The following NUDT7 variants were observed in gnomAD, a reference collection of about 807,000 sequenced individuals.
NUDT7 encodes the protein nudix hydrolase 7.
A neutral mutation model predicts 13.1 loss-of-function variants in NUDT7; 19 were observed. The observed-to-expected ratio is 1.45, with a 90% CI of 1.01 to 2.13. The LOEUF is 2.13. Among genes scored for constraint, NUDT7 ranks in the 30% most tolerant of loss-of-function variants. The pLI is 0.00. For missense variants in NUDT7, 360 were observed against 291.7 expected (o/e 1.23, Z -1.71); for synonymous variants, 132 against 109.7 (o/e 1.20, Z -1.27).
In NUDT7 at chr16:77,742,227, C is replaced by G. The variant is rs112937116; in HGVS notation, c.*277C>G. On this transcript the variant is annotated 3_prime_UTR_variant, in exon 4 of 4. Coordinates refer to ENST00000268533, the MANE Select transcript of NUDT7 (RefSeq NM_001105663.3). ...TATAATAAAGAATATCTGGCACATA[C>G]TAGGCCCTTAATAAAGATTTTTTGA... 183 of 817,098 alleles carry G rather than the reference C, an allele frequency of 2.2e-4. No individual in the cohort carries two copies. The African/African-American group carries it at 2.8e-3, about 13-fold the overall frequency. The allele number at this position is 817,098 out of a possible 1,614,324, so 50.6% of individuals were successfully genotyped here.
intron 3 of NUDT7, chr16:77,736,634 ATTT>A: frequency 9.3e-6 from 2 of 215,804 alleles, no homozygotes; most frequent in Admixed American, 5.2e-5. Context: ...TTTCTTTTTT[ATTT>A]TTTTTTTTAT....
chr16:77,726,956 G>T (rs867406558), intron 2 of NUDT7, among the ~76,000 whole-genome samples: 1 of 115,508 alleles, frequency 8.7e-6, no homozygotes, highest in Non-Finnish European at 1.8e-5. Context: ...TCATGGCAGA[G>T]GGGGAGCAGG....
At position 77,742,118 on chromosome 16, in the gene NUDT7, G is replaced by A; in HGVS notation, c.*168G>A. The stretch of plus-strand genomic sequence containing the variant: ...CAGTTGCCTTCTATTGTCTGAAAAA[G>A]TAAAAGCCATTCAAAAATGAAAACT... On this transcript the variant is annotated 3_prime_UTR_variant, in exon 4 of 4. Transcript: ENST00000268533. 1 of 1,356,180 alleles carries A rather than the reference G, an allele frequency of 7.4e-7. No individual in the cohort carries two copies. The highest frequency in any genetic ancestry group is 9.5e-7 in the Non-Finnish European group (1 of 1,057,078). The allele number at this position is 1,356,180 out of a possible 1,614,324, so 84.0% of individuals were successfully genotyped here. A position where few individuals can be genotyped will look rare whatever the true frequency, so the allele number is the denominator to read the frequency against.
intron 2 of NUDT7, among the ~76,000 whole-genome samples, chr16:77,726,442 T>G (rs190949062): frequency 1.8e-4 from 27 of 152,286 alleles, no homozygotes; most frequent in African/African-American, 6.0e-4. Context: ...ACAGAAATAA[T>G]GGGCTGGGAA....
rs2014102045 is a variant in NUDT7, at chr16:77,725,476, T to C, written c.81T>C (p.Asp27=). ...DDAKARLRKY[D]IGGKYSHLPY... Reference sequence around the variant, plus strand: ...CTAAGGCCCGCTTAAGAAAGTATGATATTGGAGGCAAATATTCTCACTTGC... The same window carrying C: ...CTAAGGCCCGCTTAAGAAAGTATGACATTGGAGGCAAATATTCTCACTTGC... The change falls in exon 2 of 4, where the codon GAT becomes GAC. Residue 27 remains aspartate, a synonymous_variant. Transcript: ENST00000268533. The C allele has an allele frequency of 6.2e-7, 1 of 1,613,748 alleles. No homozygotes were observed. Among genetic ancestry groups the C allele is most frequent in the Non-Finnish European group, 8.5e-7 (1 of 1,179,708 alleles).
intron 2 of NUDT7, among the ~76,000 whole-genome samples, chr16:77,727,412 G>A (rs1308771636): frequency 7.7e-6 from 1 of 129,772 alleles, no homozygotes; most frequent in Non-Finnish European, 1.6e-5. Context: ...GATTGTGTTC[G>A]GTCTGAGCCA....
intron 2 of NUDT7, among the ~76,000 whole-genome samples, chr16:77,729,964 C>T (rs1229127185): frequency 8.4e-6 from 1 of 118,840 alleles, no homozygotes; most frequent in African/African-American, 3.6e-5. Context: ...CACATAGTAA[C>T]ATATTACCAC....
intron 2 of NUDT7, among the ~76,000 whole-genome samples, chr16:77,730,869 G>C (rs1421173098): frequency 1.3e-5 from 2 of 151,546 alleles, no homozygotes; most frequent in East Asian, 3.9e-4. Flanking sequence ...GTGATGTTAA[G>C]CATTTTTTTC....
Position 77,741,705 on chromosome 16 carries a change from C to G in NUDT7, c.472C>G (p.His158Asp). The G allele has an allele frequency of 6.2e-7, 1 of 1,614,118 alleles. No homozygotes were observed. Among genetic ancestry groups the G allele is most frequent in the Non-Finnish European group, 8.5e-7 (1 of 1,180,026 alleles). ...GGCCTATTTCCTGCATCCACAGGTCCATGACCAGCATTACGTCACACGTCT... is the reference window on the plus strand; with the variant it reads ...GGCCTATTTCCTGCATCCACAGGTCGATGACCAGCATTACGTCACACGTCT... ...PLAYFLHPQV[H>D]DQHYVTRLGH... The change falls in exon 4 of 4, where the codon CAT becomes GAT. Residue 158 changes from histidine to aspartate, a missense_variant. Transcript: ENST00000268533.
chr16:77,736,492 G>A (rs1036929248), intron 3 of NUDT7, among the ~76,000 whole-genome samples: 9 of 152,166 alleles, frequency 5.9e-5, no homozygotes, highest in Admixed American at 3.3e-4. Flanking sequence ...CACTAGGCAA[G>A]CTATTTAAAA....
intron 3 of NUDT7, chr16:77,736,297 C>T (rs969509159): frequency 3.4e-5 from 8 of 236,958 alleles, no homozygotes; most frequent in Middle Eastern, 1.4e-3. Flanking sequence ...ATTTATTTTT[C>T]TCCAGTATAC....
chr16:77,727,171 A>G (rs1043336121), intron 2 of NUDT7, among the ~76,000 whole-genome samples: 2 of 152,192 alleles, frequency 1.3e-5, no homozygotes, highest in Non-Finnish European at 2.9e-5. Context: ...GGCAAGGACA[A>G]ATATCGAAAC....
At chr16:77,734,280 C>T (rs1245527721) in intron 2 of NUDT7, among the ~76,000 whole-genome samples, 3 of 152,014 alleles carry the variant, frequency 2.0e-5, no homozygotes, top group African/African-American at 4.8e-5. Context: ...GTTATTTAAC[C>T]TCTGTGAGCC....
chr16:77,733,127 A>AG (rs1659071283), intron 2 of NUDT7, among the ~76,000 whole-genome samples: 1 of 152,188 alleles, frequency 6.6e-6, no homozygotes. Context: ...TTAAAAAAAA[A>AG]TTTTTAAGTC....
rs188422920 is a variant in NUDT7, at chr16:77,725,256, C to T, written c.36-175C>T. The stretch of plus-strand genomic sequence containing the variant: ...AGGTTTTTTTGTCATTTTCATCTTG[C>T]GAACAACCACGCAATTTAGATAGTA... On this transcript the variant is annotated intron_variant, in intron 1 of 3. Transcript: ENST00000268533. 1.2e-3 allele frequency among the ~76,000 whole-genome samples: 177 copies of T among 152,182 alleles called. 1 individual carries two copies. Among genetic ancestry groups the T allele is most frequent in the African/African-American group, 4.0e-3 (168 of 41,512 alleles).
intron 3 of NUDT7, chr16:77,737,320 G>A (rs2014518623): frequency 6.6e-6 from 1 of 152,130 alleles, no homozygotes; most frequent in Non-Finnish European, 1.5e-5. Context: ...CTGACAGTTT[G>A]GAGATGTAGT....
Position 77,722,592 on chromosome 16 carries a change from CT to C in NUDT7, c.12del (p.Gly5ValfsTer12). 2.5e-6 allele frequency: 4 copies of C among 1,593,472 alleles called. No homozygotes were observed. Among genetic ancestry groups the C allele is most frequent in the Non-Finnish European group, 3.4e-6 (4 of 1,169,486 alleles). ...AACATTCCCCAGGGCAATGTCACGACTTGGTCTTCCCGAGGAGCCAGTCAGG... is the reference window on the plus strand; with the variant it reads ...AACATTCCCCAGGGCAATGTCACGACTGGTCTTCCCGAGGAGCCAGTCAGG... MSR[L>X]GLPEEPVRNS... On this transcript the variant is annotated frameshift_variant, in exon 1 of 4. Transcript: ENST00000268533. LOFTEE classifies it high-confidence loss of function.
intron 2 of NUDT7, among the ~76,000 whole-genome samples, chr16:77,732,863 T>C (rs8063786): frequency 0.096 from 14,640 of 152,166 alleles, 805 homozygotes; most frequent in African/African-American, 0.15. Flanking sequence ...GGAGGTGCGT[T>C]TGTCCCTGGC....
Position 77,741,596 on chromosome 16 carries a change from A to G in NUDT7, c.363A>G (p.Ile121Met). ...TCTGCTTTTAGACAGATACATTGAT[A>G]ACTCCATTTGTGGGTTTAATAGACC... ...VPCLIDTDTL[I>M]TPFVGLIDHN... Residue 121 changes from isoleucine (I) to methionine (M), a missense_variant, in exon 4 of 4, where the codon ATA (isoleucine) becomes ATG (methionine). Transcript: ENST00000268533. 1 of 1,606,832 alleles carries G rather than the reference A, an allele frequency of 6.2e-7. No individual in the cohort carries two copies. Among genetic ancestry groups the G allele is most frequent in the Non-Finnish European group, 8.5e-7 (1 of 1,177,714 alleles).
Sources: gnomAD v4.1 joint callset for allele counts (sites outside exome capture counted in the v4.1 genomes callset) on GRCh38, gnomAD v4.1.1 for gene constraint, MANE v1.5 for transcripts, NCBI Gene and HGNC (gene_info 2026-07-23, HGNC 2026-07-21) for gene names.